NEO1: variants seen among roughly 807,000 people sequenced by gnomAD.
NEO1 encodes the protein neogenin.
NEO1 carries 63 observed loss-of-function variants against 159.7 expected under a neutral mutation model. The ratio of observed to expected loss-of-function variants is 0.39; its 90% CI spans 0.32 to 0.49. The LOEUF (loss-of-function observed/expected upper bound fraction) is 0.49. Among genes scored for constraint, NEO1 ranks in the 20% least tolerant of loss-of-function variants. The pLI is 0.85. For synonymous variants in NEO1, 633 were observed against 662.0 expected, an observed-to-expected ratio of 0.96 and a Z score of 0.67; for missense variants, 1,615 against 1,831.0, an observed-to-expected ratio of 0.88 and a Z score of 2.15.
At chr15:73,291,827 T>G (rs1454963128) in intron 25 of NEO1, among the ~76,000 whole-genome samples, 1 of 152,156 alleles carries the variant, frequency 6.6e-6, no homozygotes, top group East Asian at 1.9e-4. Context: ...AAAAAGTCAA[T>G]TTTGTTTTTC....
At chr15:73,259,952 G>A (rs35348961) in intron 14 of NEO1, among the ~76,000 whole-genome samples, 43,929 of 152,028 alleles carry the variant, frequency 0.29, 7,422 homozygotes, top group East Asian at 0.57. Context: ...AAGAGAGATG[G>A]TAACTATTGA....
intron 11 of NEO1, among the ~76,000 whole-genome samples, chr15:73,252,218 G>A (rs2040114026): frequency 6.6e-6 from 1 of 152,184 alleles, no homozygotes; most frequent in African/African-American, 2.4e-5. Flanking sequence ...AAATGTTAGA[G>A]ACAGAAAAAG....
At chr15:73,173,615 A>G (rs1314042637) in intron 5 of NEO1, among the ~76,000 whole-genome samples, 1 of 152,228 alleles carries the variant, frequency 6.6e-6, no homozygotes, top group African/African-American at 2.4e-5. Flanking sequence ...AGTGAAATAC[A>G]GATGCTAAAA....
intron 1 of NEO1, among the ~76,000 whole-genome samples, chr15:73,103,287 ACT>A (rs2070499340): frequency 6.6e-6 from 1 of 151,850 alleles, no homozygotes; most frequent in Non-Finnish European, 1.5e-5. Context: ...ACCCTTACCA[ACT>A]CTTCTTAACT....
At chr15:73,090,383 A>G (rs1386465435) in intron 1 of NEO1, among the ~76,000 whole-genome samples, 1 of 151,968 alleles carries the variant, frequency 6.6e-6, no homozygotes, top group Non-Finnish European at 1.5e-5. Flanking sequence ...AAAAAGTAAA[A>G]TCTCTAAGCT....
intron 7 of NEO1, among the ~76,000 whole-genome samples, chr15:73,224,418 A>G (rs577918376): frequency 6.6e-6 from 1 of 152,246 alleles, no homozygotes; most frequent in Non-Finnish European, 1.5e-5. Context: ...AAACTTTCAG[A>G]TTTCTCTTCT....
chr15:73,095,316 A>C (rs1160247144), intron 1 of NEO1, among the ~76,000 whole-genome samples: 1 of 152,210 alleles, frequency 6.6e-6, no homozygotes, highest in Non-Finnish European at 1.5e-5. Context: ...TTTTTAAAAA[A>C]GAATTAAAAA....
intron 5 of NEO1, among the ~76,000 whole-genome samples, chr15:73,139,081 T>C (rs1318528300): frequency 6.6e-6 from 1 of 152,174 alleles, no homozygotes; most frequent in Non-Finnish European, 1.5e-5. Context: ...TAGATGGTCC[T>C]GGAAAAACTG....
chr15:73,114,544 A>G (rs1220850818), intron 1 of NEO1, among the ~76,000 whole-genome samples: 2 of 152,184 alleles, frequency 1.3e-5, no homozygotes, highest in African/African-American at 2.4e-5. Context: ...TACTTTTTCA[A>G]ACACATATAC....
intron 1 of NEO1, among the ~76,000 whole-genome samples, chr15:73,101,336 A>G (rs370041770): frequency 4.6e-5 from 7 of 152,206 alleles, no homozygotes; most frequent in East Asian, 1.9e-4. Flanking sequence ...TACAATTTCA[A>G]TCCCCTTATG....
chr15:73,275,681 A>ATAC (rs2041386051), intron 21 of NEO1, among the ~76,000 whole-genome samples: 1 of 152,030 alleles, frequency 6.6e-6, no homozygotes, highest in Non-Finnish European at 1.5e-5. Context: ...AATAATAATA[A>ATAC]TAGTGATAAT....
At chr15:73,245,630 A>G (rs1255923869) in intron 9 of NEO1, among the ~76,000 whole-genome samples, 2 of 149,688 alleles carry the variant, frequency 1.3e-5, no homozygotes, top group Non-Finnish European at 3.0e-5. Context: ...GCTGGAGTGC[A>G]GTGGCACAGT....
intron 1 of NEO1, among the ~76,000 whole-genome samples, chr15:73,088,399 G>T (rs1385459641): frequency 6.6e-6 from 1 of 151,930 alleles, no homozygotes; most frequent in Non-Finnish European, 1.5e-5. Context: ...GGAGAGAAAT[G>T]CAGGAAACAA....
At position 73,135,917 on chromosome 15, in the gene NEO1, G is replaced by T; in HGVS notation, c.905G>T (p.Gly302Val). The T allele has an allele frequency of 6.3e-7, 1 of 1,595,002 alleles. No individual in the cohort carries two copies. The highest frequency in any genetic ancestry group is 2.3e-5 in the East Asian group (1 of 44,394). ...TCTGAAAGATTGGTATTGCTGGCAG[G>T]TGGTAGCCTGGAGATCAGTGATGTT... The part of the protein sequence containing the change: ...ESSERLVLLA[G>V]GSLEISDVTE... Residue 302 changes from glycine (G) to valine (V), a missense_variant, in exon 5 of 29, where the codon GGT (glycine) becomes GTT (valine). Around this residue, in one of 3 missense-constraint regions of NEO1, gnomAD observed 1,018 missense variants for 1,115.4 expected, o/e 0.91. Coordinates refer to ENST00000261908, the MANE Select transcript of NEO1 (RefSeq NM_002499.4).
At chr15:73,232,920 A>G (rs538922287) in intron 7 of NEO1, among the ~76,000 whole-genome samples, 5 of 152,302 alleles carry the variant, frequency 3.3e-5, no homozygotes, top group African/African-American at 1.2e-4. Flanking sequence ...GATGCCTCAG[A>G]CACTGTTTGT....
At chr15:73,276,816 A>G (rs1055561200) in intron 21 of NEO1, among the ~76,000 whole-genome samples, 1 of 152,216 alleles carries the variant, frequency 6.6e-6, no homozygotes, top group Non-Finnish European at 1.5e-5. Context: ...TAGTTTATAC[A>G]TTTCTAGTAA....
intron 7 of NEO1, among the ~76,000 whole-genome samples, chr15:73,182,692 G>A (rs757292907): frequency 2.6e-5 from 4 of 152,182 alleles, no homozygotes; most frequent in East Asian, 1.9e-4. Flanking sequence ...TCATCATGTC[G>A]TGAGATTTAC....
At position 73,153,567 on chromosome 15, in the gene NEO1, A is replaced by G. The variant is rs76725498; in HGVS notation, c.1015+17540A>G. Among the ~76,000 whole-genome samples, 54 of 152,354 alleles carry G rather than the reference A, an allele frequency of 3.5e-4. No individual in the cohort carries two copies. The East Asian group carries it at 6.6e-3, about 18-fold the overall frequency. On this transcript the variant is annotated intron_variant, in intron 5 of 28. Transcript: ENST00000261908. The stretch of plus-strand genomic sequence containing the variant: ...ATCACACCAGTGTGTTAAAGTGAAA[A>G]AATAATGTAAGCAAGTTATATTGGC...
At position 73,283,092 on chromosome 15, in the gene NEO1, A is replaced by G. The variant is rs143535333; in HGVS notation, c.3391A>G (p.Thr1131Ala). Residue 1131 changes from threonine to alanine, a missense_variant, in exon 23 of 29, where the codon ACC (threonine) becomes GCC (alanine). Coordinates refer to ENST00000261908, the MANE Select transcript of NEO1 (RefSeq NM_002499.4). ...VIIAVFCTRRTTSHQKKKRAA... is the reference protein window; with the variant it reads ...VIIAVFCTRRATSHQKKKRAA... ...TATCGCTGTCTTTTGTACCCGTCGT[A>G]CCACCTCTCACCAGAAAAAGTAAGA... 25 of 1,613,958 alleles carry G rather than the reference A, an allele frequency of 1.5e-5. No individual in the cohort carries two copies. The highest frequency in any genetic ancestry group is 3.3e-5 in the Admixed American group (2 of 59,964).
Sources: allele counts gnomAD v4.1 joint callset (sites outside exome capture counted in the v4.1 genomes callset), GRCh38; gene constraint gnomAD v4.1.1; regional missense constraint gnomAD v4.1.1; transcripts MANE v1.5; gene names NCBI Gene and HGNC (gene_info 2026-07-23, HGNC 2026-07-21).